Variants in HYDIN observed in about 807,000 individuals in gnomAD.
HYDIN encodes the protein HYDIN axonemal central pair apparatus protein, also known as axonemal central pair apparatus protein HYDIN.
HYDIN carries 132 observed loss-of-function variants against 403.9 expected under a neutral mutation model. That is an observed-to-expected ratio of 0.33 (90% CI 0.28 to 0.38). The LOEUF is 0.38. HYDIN is among the 10% of genes least tolerant of loss of function. The pLI, the probability that HYDIN is intolerant of heterozygous loss-of-function variation, is 1.00. For synonymous variants in HYDIN, 1,202 were observed against 1,891.7 expected (o/e 0.64, Z 9.46); for missense variants, 2,827 against 5,009.5 (o/e 0.56, Z 13.15).
intron 7 of HYDIN, among the ~76,000 whole-genome samples, chr16:71,149,399 T>G (rs1479133170): frequency 6.7e-6 from 1 of 149,654 alleles, no homozygotes; most frequent in African/African-American, 2.4e-5. Context: ...ATATGATGAC[T>G]ATATCACTCA....
chr16:70,890,872 TCACCG>T (rs1250864595), intron 57 of HYDIN, among the ~76,000 whole-genome samples: 1 of 151,832 alleles, frequency 6.6e-6, no homozygotes, highest in Non-Finnish European at 1.5e-5. Flanking sequence ...GCTGAAGGCA[TCACCG>T]CACTTCCTCT....
At chr16:70,867,993 G>A (rs911568080) in intron 66 of HYDIN, among the ~76,000 whole-genome samples, 3 of 151,986 alleles carry the variant, frequency 2.0e-5, no homozygotes, top group African/African-American at 7.3e-5. Context: ...GTGTGCATAG[G>A]TTAAAAAAAG....
rs2144640831 is a variant in HYDIN, at chr16:71,175,964, AT to A, written c.382-224del. On this transcript the variant is annotated intron_variant, in intron 4 of 85. Coordinates refer to ENST00000393567, the MANE Select transcript of HYDIN (RefSeq NM_001270974.2). ...TTTATTAACATTATTATTCTTAGTT[AT>A]TTTTATTATTATTACAAGTCTTTGT... 4 of 554,938 alleles carry A rather than the reference AT, an allele frequency of 7.2e-6. No homozygotes were observed. In the South Asian group the frequency reaches 8.1e-5, roughly 11 times the overall value. The allele number at this position is 554,938 out of a possible 1,614,324, so 34.4% of individuals were successfully genotyped here.
At chr16:71,048,902 C>T (rs1335453980) in intron 18 of HYDIN, among the ~76,000 whole-genome samples, 1 of 152,072 alleles carries the variant, frequency 6.6e-6, no homozygotes, top group Non-Finnish European at 1.5e-5. Context: ...CTCTCTTATG[C>T]CAACTGAAAA....
intron 14 of HYDIN, 105 bp downstream of exon 14, chr16:71,069,138 CCCTGTAAATTGACAGGCACCCCCT>C: frequency 1.2e-6 from 1 of 857,950 alleles, no homozygotes; most frequent in Non-Finnish European, 1.8e-6. Context: ...GCCCACGTTT[CCCTGTAAATTGACAGGCACCCCCT>C]CCTGCTGACA....
chr16:71,175,732 A>G lies in HYDIN; in HGVS notation c.391T>C (p.Leu131=), dbSNP rs751690862. 1.2e-6 allele frequency: 2 copies of G among 1,614,112 alleles called. No homozygotes were observed. The highest frequency in any genetic ancestry group is 1.7e-5 in the Admixed American group (1 of 60,028). The change falls in exon 5 of 86, where the codon TTG becomes CTG. Residue 131 remains leucine (L), a synonymous_variant. Transcript: ENST00000393567. Reference sequence around the variant, plus strand: ...GAACTTTCTTCCACAACTTTCACCAACCTTGGAATCTGCAGGGAAACACAT... The same window carrying G: ...GAACTTTCTTCCACAACTTTCACCAGCCTTGGAATCTGCAGGGAAACACAT... The part of the protein sequence containing the change: ...ILRNNDKIPR[L]VKVVEESSPY...
At chr16:70,967,136 G>A (rs55899247) in intron 36 of HYDIN, among the ~76,000 whole-genome samples, 1 of 152,104 alleles carries the variant, frequency 6.6e-6, no homozygotes, top group South Asian at 2.1e-4. Flanking sequence ...AAGGTTATTA[G>A]ACAAAGGTGT....
chr16:70,895,836 T>C, intron 54 of HYDIN, 145 bp downstream of exon 54: 1 of 1,382,896 alleles, frequency 7.2e-7, no homozygotes, highest in Non-Finnish European at 9.5e-7. Context: ...CTAATATCAC[T>C]CTGGGGCTCA....
At chr16:71,128,187 A>G (rs2084549892) in intron 9 of HYDIN, among the ~76,000 whole-genome samples, 1 of 152,190 alleles carries the variant, frequency 6.6e-6, no homozygotes, top group South Asian at 2.1e-4. Context: ...AGAATACCTT[A>G]CTGTCTTCTC....
intron 24 of HYDIN, 56 bp from the exon 25 acceptor site, chr16:70,991,452 G>A: frequency 6.3e-7 from 1 of 1,598,554 alleles, no homozygotes; most frequent in Admixed American, 1.7e-5. Flanking sequence ...TCGCCACACA[G>A]TCTCAGGTGC....
At chr16:71,085,917 T>C (rs1221979452) in intron 12 of HYDIN, among the ~76,000 whole-genome samples, 3 of 151,986 alleles carry the variant, frequency 2.0e-5, no homozygotes, top group Non-Finnish European at 4.4e-5. Context: ...CAAAAAGATA[T>C]AGATTTTTGG....
chr16:71,051,485 A>G (rs1217051438), intron 18 of HYDIN, among the ~76,000 whole-genome samples: 2 of 151,940 alleles, frequency 1.3e-5, no homozygotes, highest in Non-Finnish European at 2.9e-5. Context: ...TCTCTACTAA[A>G]AATACAAAAT....
chr16:70,919,291 A>G (rs2076927873), intron 46 of HYDIN, among the ~76,000 whole-genome samples: 1 of 152,222 alleles, frequency 6.6e-6, no homozygotes, highest in Non-Finnish European at 1.5e-5. Flanking sequence ...CAAGGCAAGA[A>G]GATGTTCTTG....
Position 70,868,704 on chromosome 16 carries a change from T to C in HYDIN, c.11176A>G (p.Ile3726Val), listed in dbSNP as rs754150571. 68 of 1,614,038 alleles carry C rather than the reference T, an allele frequency of 4.2e-5. No homozygotes were observed. Among genetic ancestry groups the C allele is most frequent in the Non-Finnish European group, 5.5e-5 (65 of 1,180,038 alleles). ...ATAATCCTGGAGAGCTTGCACCTGATCCGCATATTCTTTAGGTTGATGGGT... is the reference window on the plus strand; with the variant it reads ...ATAATCCTGGAGAGCTTGCACCTGACCCGCATATTCTTTAGGTTGATGGGT... Reference protein sequence around the residue: ...DVPINLKNMRIRCKLSRIMFQ... With the variant: ...DVPINLKNMRVRCKLSRIMFQ... The change falls in exon 66 of 86, where the codon ATC becomes GTC. Residue 3726 changes from isoleucine to valine, a missense_variant. Physicochemically the swap from Ile to Val is conservative, Grantham distance 29. Transcript: ENST00000393567.
chr16:70,831,319 G>A (rs895520858), intron 80 of HYDIN, among the ~76,000 whole-genome samples: 1 of 151,272 alleles, frequency 6.6e-6, no homozygotes, highest in Admixed American at 6.6e-5. Context: ...AGACCAACCC[G>A]GCCAACATGG....
At chr16:71,203,327 G>C (rs2088119505) in intron 1 of HYDIN, among the ~76,000 whole-genome samples, 1 of 152,094 alleles carries the variant, frequency 6.6e-6, no homozygotes, top group African/African-American at 2.4e-5. Context: ...AAGCTGTATT[G>C]AAGTAAAAGT....
At chr16:70,891,950 AC>A (rs2041492414) in intron 56 of HYDIN, 66 bp from the exon 57 acceptor site, 1 of 356,254 alleles carries the variant, frequency 2.8e-6, no homozygotes, top group African/African-American at 2.3e-5. Flanking sequence ...ATGATTATCT[AC>A]CCCATTCCCT....
intron 41 of HYDIN, among the ~76,000 whole-genome samples, chr16:70,948,691 A>G (rs537475245): frequency 6.6e-6 from 1 of 151,884 alleles, no homozygotes; most frequent in East Asian, 1.9e-4. Flanking sequence ...TATGCAGCCA[A>G]AAAACACATG....
chr16:71,206,610 T>C (rs1398349389), intron 1 of HYDIN, among the ~76,000 whole-genome samples: 1 of 152,248 alleles, frequency 6.6e-6, no homozygotes, highest in Non-Finnish European at 1.5e-5. Context: ...ATTCAGAATA[T>C]GGATAGAAAC....
Sources: gnomAD v4.1 joint callset for allele counts (sites outside exome capture counted in the v4.1 genomes callset) on GRCh38, gnomAD v4.1.1 for gene constraint, MANE v1.5 for transcripts, NCBI Gene and HGNC (gene_info 2026-07-23, HGNC 2026-07-21) for gene names.